Variants in NR2F1 observed in about 807,000 individuals in gnomAD.
The protein encoded by NR2F1 is nuclear receptor subfamily 2 group F member 1, also known as COUP transcription factor 1.
A neutral mutation model predicts 37.7 loss-of-function variants in NR2F1; 1 was observed. That is an observed-to-expected ratio of 0.03 (90% CI 0.01 to 0.13). The LOEUF (loss-of-function observed/expected upper bound fraction) is 0.13, where lower values mean the gene tolerates loss of function less well. Ranked by LOEUF, NR2F1 falls within the 10% of genes least tolerant of loss-of-function variation. The pLI is 1.00. For synonymous variants in NR2F1, 275 were observed against 259.6 expected (o/e 1.06, Z -0.57); for missense variants, 268 against 578.4 (o/e 0.46, Z 5.50).
In NR2F1 at chr5:93,593,196, C is replaced by T. The variant is rs990938358; in HGVS notation, c.992-366C>T. Among the ~76,000 whole-genome samples the T allele has an allele frequency of 4.6e-5, 7 of 152,138 alleles. No homozygotes were observed. The highest frequency in any genetic ancestry group is 1.7e-4 in the African/African-American group (7 of 41,416). On this transcript the variant is annotated intron_variant, in intron 2 of 2. Coordinates refer to ENST00000327111, the MANE Select transcript of NR2F1 (RefSeq NM_005654.6). The surrounding 1 kb of genome is among the most constrained non-coding windows in gnomAD (Gnocchi z 5.6). ...AAGATGCTCCCTTGCAGGCCGAGGA[C>T]AGGTTGTTAAGCGCAGCAAACATGG...
chr5:93,587,991 A>G lies in NR2F1; in HGVS notation c.538A>G (p.Asn180Asp). The change falls in exon 2 of 3, where the codon AAC becomes GAC. Residue 180 changes from asparagine (N) to aspartate (D), a missense_variant. Around this residue, in one of 5 missense-constraint regions of NR2F1, gnomAD observed 42 missense variants for 72.5 expected, o/e 0.58. Coordinates refer to ENST00000327111, the MANE Select transcript of NR2F1 (RefSeq NM_005654.6). ...QYALTNGDPLNGHCYLSGYIS... is the reference protein window; with the variant it reads ...QYALTNGDPLDGHCYLSGYIS... Reference sequence around the variant, plus strand: ...CGCACTCACCAACGGGGACCCCCTCAACGGCCACTGCTACCTGTCCGGCTA... The same window carrying G: ...CGCACTCACCAACGGGGACCCCCTCGACGGCCACTGCTACCTGTCCGGCTA... The G allele has an allele frequency of 1.2e-6, 2 of 1,613,622 alleles. No individual in the cohort carries two copies. The highest frequency in any genetic ancestry group is 1.7e-6 in the Non-Finnish European group (2 of 1,179,772).
In NR2F1 at chr5:93,593,196, C is replaced by G. The variant is rs990938358; in HGVS notation, c.992-366C>G. Among the ~76,000 whole-genome samples the G allele has an allele frequency of 6.6e-6, 1 of 152,138 alleles. No homozygotes were observed. Among genetic ancestry groups the G allele is most frequent in the African/African-American group, 2.4e-5 (1 of 41,416 alleles). ...AAGATGCTCCCTTGCAGGCCGAGGA[C>G]AGGTTGTTAAGCGCAGCAAACATGG... is the stretch of plus-strand genomic sequence containing the variant. On this transcript the variant is annotated intron_variant, in intron 2 of 2. Coordinates refer to ENST00000327111, the MANE Select transcript of NR2F1 (RefSeq NM_005654.6). The surrounding 1 kb of genome is among the most constrained non-coding windows in gnomAD (Gnocchi z 5.6).
chr5:93,587,814 C>G (rs1193595724), intron 1 of NR2F1, 103 bp from the exon 2 acceptor site: 1 of 1,255,402 alleles, frequency 8.0e-7, no homozygotes. Flanking sequence ...GCGCGTGTGG[C>G]TGCGGGAAGA....
intron 2 of NR2F1, among the ~76,000 whole-genome samples, chr5:93,589,504 C>T (rs1350353776): frequency 6.6e-6 from 1 of 152,260 alleles, no homozygotes; most frequent in African/African-American, 2.4e-5. Flanking sequence ...GTCTTGGGCC[C>T]TGCCCACTGT....
At chr5:93,588,487 A>G (rs760998865) in intron 2 of NR2F1, 43 bp downstream of exon 2, 1 of 1,427,792 alleles carries the variant, frequency 7.0e-7, no homozygotes. Context: ...GCCGGCAGCG[A>G]GCGCAGGCCC....
rs1753369822 is a variant in NR2F1, at chr5:93,593,508, G to A, written c.992-54G>A. The A allele has an allele frequency of 2.6e-6, 4 of 1,559,022 alleles. No individual in the cohort carries two copies. The African/African-American group carries it at 4.1e-5, about 16-fold the overall frequency. ...CTTATTTTGCCTTTGCTATTTGTCA[G>A]CCTAACCGTGTGCTCCCTTTCCCTG... On this transcript the variant is annotated intron_variant, in intron 2 of 2. Transcript: ENST00000327111. This position sits in a 1 kb window ranked among gnomAD's most constrained non-coding sequence, Gnocchi z 5.6.
At chr5:93,585,540 T>G (rs1561523885) in intron 1 of NR2F1, 54 bp downstream of exon 1, 2 of 1,381,028 alleles carry the variant, frequency 1.4e-6, no homozygotes, top group South Asian at 2.5e-5. Context: ...TCCCTGGCTC[T>G]TTCTTTCTTT....
At position 93,583,440 on chromosome 5, in the gene NR2F1, C is replaced by T. The variant is rs1049658338; in HGVS notation, c.-1584C>T. ...TACATATTCTACTAGTTGTTTTCCC[C>T]TTCTTCTTCTCCTTTCTCTCCTTTT... On this transcript the variant is annotated 5_prime_UTR_variant, in exon 1 of 3. Transcript: ENST00000327111. 9.9e-5 allele frequency: 15 copies of T among 151,322 alleles called. No homozygotes were observed. Among genetic ancestry groups the T allele is most frequent in the African/African-American group, 3.7e-4 (15 of 41,020 alleles). 9.4% of individuals were successfully genotyped at this position (151,322 alleles called of 1,614,324 possible). A position where few individuals can be genotyped will look rare whatever the true frequency, so the allele number is the denominator to read the frequency against.
Position 93,593,688 on chromosome 5 carries a change from G to A in NR2F1, c.1118G>A (p.Arg373Gln), listed in dbSNP as rs2149946068. 6.2e-7 allele frequency: 1 copy of A among 1,614,184 alleles called. No homozygotes were observed. Among genetic ancestry groups the A allele is most frequent in the Non-Finnish European group, 8.5e-7 (1 of 1,180,042 alleles). ...AGCCGTTTTGGCAAACTGCTGCTGC[G>A]ACTGCCCTCGCTGCGCACCGTGTCC... ...QPSRFGKLLL[R>Q]LPSLRTVSSS... is the part of the protein sequence containing the mutation. Residue 373 changes from arginine to glutamine, a missense_variant, in exon 3 of 3, where the codon CGA becomes CAA. Physicochemically the swap from Arg to Gln is conservative, Grantham distance 43 (BLOSUM62 1). Transcript: ENST00000327111. The surrounding 1 kb of genome is among the most constrained non-coding windows in gnomAD (Gnocchi z 5.6).
Position 93,588,293 on chromosome 5 carries a change from C to G in NR2F1, c.840C>G (p.Ala280=), listed in dbSNP as rs898140239. Residue 280 remains alanine (A), a synonymous_variant, in exon 2 of 3, where the codon GCC becomes GCG. Coordinates refer to ENST00000327111, the MANE Select transcript of NR2F1 (RefSeq NM_005654.6). ...PLHVAPLLAA[A]GLHASPMSAD... is the part of the protein sequence containing the mutation. The stretch of plus-strand genomic sequence containing the variant: ...ACGTGGCGCCGTTGCTGGCCGCCGC[C>G]GGCCTGCATGCCTCGCCCATGTCTG... 2 of 1,613,146 alleles carry G rather than the reference C, an allele frequency of 1.2e-6. No homozygotes were observed. The highest frequency in any genetic ancestry group is 1.7e-6 in the Non-Finnish European group (2 of 1,179,848).
At position 93,593,846 on chromosome 5, in the gene NR2F1, T is replaced by G. The variant is rs752713772; in HGVS notation, c.*4T>G. 6.2e-7 allele frequency: 1 copy of G among 1,612,232 alleles called. No individual in the cohort carries two copies. Among genetic ancestry groups the G allele is most frequent in the Non-Finnish European group, 8.5e-7 (1 of 1,178,504 alleles). On this transcript the variant is annotated 3_prime_UTR_variant, in exon 3 of 3. Transcript: ENST00000327111. The surrounding 1 kb of genome is among the most constrained non-coding windows in gnomAD (Gnocchi z 5.6). ...CATGTCCATCCAGTGCTCCTAGACC[T>G]TGGGCGCTTCCCACCTGCCCCGTCC...
chr5:93,587,623 G>A (rs1325752472), intron 1 of NR2F1: 1 of 385,496 alleles, frequency 2.6e-6, no homozygotes, highest in Non-Finnish European at 4.6e-6. Context: ...CTTAGGGGTT[G>A]GATGACACTT....
At chr5:93,589,881 G>A (rs1271836848) in intron 2 of NR2F1, among the ~76,000 whole-genome samples, 4 of 152,264 alleles carry the variant, frequency 2.6e-5, no homozygotes, top group African/African-American at 9.6e-5. Flanking sequence ...GGTGGCCAGA[G>A]CAATGGACTT....
chr5:93,585,154 C>A lies in NR2F1; in HGVS notation c.131C>A (p.Ala44Glu). 8.6e-7 allele frequency: 1 copy of A among 1,163,112 alleles called. No individual in the cohort carries two copies. Among genetic ancestry groups the A allele is most frequent in the Non-Finnish European group, 1.1e-6 (1 of 944,402 alleles). 72.0% of individuals were successfully genotyped at this position (1,163,112 alleles called of 1,614,324 possible). A position where few individuals can be genotyped will look rare whatever the true frequency, so the allele number is the denominator to read the frequency against. Residue 44 changes from alanine (A) to glutamate (E), a missense_variant, in exon 1 of 3, where the codon GCG (alanine) becomes GAG (glutamate). By Grantham distance (107) the Ala-to-Glu change is moderately radical. This residue lies in a region of NR2F1 where 90 missense variants were observed against 106.5 expected (regional missense o/e 0.85). Transcript: ENST00000327111. ...GGGAGEQQQQAGSGAPHTPQT... is the reference protein window; with the variant it reads ...GGGAGEQQQQEGSGAPHTPQT... ...GGCGCCGGCGAGCAGCAGCAGCAGG[C>A]GGGCTCGGGCGCGCCGCACACGCCG...
chr5:93,585,049 G>A lies in NR2F1; in HGVS notation c.26G>A (p.Arg9Gln), dbSNP rs1355609849. ...ATGGCAATGGTAGTTAGCAGCTGGC[G>A]AGATCCGCAGGACGACGTGGCCGGG... MAMVVSSW[R>Q]DPQDDVAGGN... Residue 9 changes from arginine to glutamine, a missense_variant, in exon 1 of 3, where the codon CGA (arginine) becomes CAA (glutamine). Physicochemically the swap from Arg to Gln is conservative, Grantham distance 43. Transcript: ENST00000327111. 9.7e-7 allele frequency: 1 copy of A among 1,036,060 alleles called. No homozygotes were observed. Among genetic ancestry groups the A allele is most frequent in the Admixed American group, 4.9e-5 (1 of 20,458 alleles). The allele number at this position is 1,036,060 out of a possible 1,614,324, so 64.2% of individuals were successfully genotyped here. A position where few individuals can be genotyped will look rare whatever the true frequency, so the allele number is the denominator to read the frequency against.
chr5:93,585,071 C>CG lies in NR2F1; in HGVS notation c.53dup (p.Asn19GlnfsTer378). On this transcript the variant is annotated frameshift_variant, in exon 1 of 3. Coordinates refer to ENST00000327111, the MANE Select transcript of NR2F1 (RefSeq NM_005654.6). LOFTEE classifies it high-confidence loss of function. Reference sequence around the variant, plus strand: ...GGCGAGATCCGCAGGACGACGTGGCCGGGGGCAACCCCGGCGGCCCCAACC... The same window carrying CG: ...GGCGAGATCCGCAGGACGACGTGGCCGGGGGGCAACCCCGGCGGCCCCAACC... 9.7e-7 allele frequency: 1 copy of CG among 1,030,554 alleles called. No homozygotes were observed. Among genetic ancestry groups the CG allele is most frequent in the South Asian group, 4.0e-5 (1 of 24,914 alleles). 63.8% of individuals were successfully genotyped at this position (1,030,554 alleles called of 1,614,324 possible). A position where few individuals can be genotyped will look rare whatever the true frequency, so the allele number is the denominator to read the frequency against.
chr5:93,588,839 C>T (rs183711176), intron 2 of NR2F1, among the ~76,000 whole-genome samples: 2 of 150,964 alleles, frequency 1.3e-5, no homozygotes, highest in Non-Finnish European at 3.0e-5. Flanking sequence ...GTGTGTGGTG[C>T]GTGTTATGTG....
chr5:93,583,641 A>G lies in NR2F1; in HGVS notation c.-1383A>G, dbSNP rs2149940389. ...GGGTGTTGGTTGCCGGCTGAAGAGCACTTATTTAAAATACTAAAAAAAGAA... is the reference window on the plus strand; with the variant it reads ...GGGTGTTGGTTGCCGGCTGAAGAGCGCTTATTTAAAATACTAAAAAAAGAA... On this transcript the variant is annotated 5_prime_UTR_variant, in exon 1 of 3. Transcript: ENST00000327111. 6.6e-6 allele frequency: 1 copy of G among 151,996 alleles called. No homozygotes were observed. The allele number at this position is 151,996 out of a possible 1,614,324, so 9.4% of individuals were successfully genotyped here.
Position 93,584,898 on chromosome 5 carries a change from C to G in NR2F1, c.-126C>G, listed in dbSNP as rs1753199183. 6.8e-6 allele frequency: 1 copy of G among 147,132 alleles called. No homozygotes were observed. The highest frequency in any genetic ancestry group is 1.5e-5 in the Non-Finnish European group (1 of 67,260). 9.1% of individuals were successfully genotyped at this position (147,132 alleles called of 1,614,324 possible). On this transcript the variant is annotated 5_prime_UTR_variant, in exon 1 of 3. Transcript: ENST00000327111. ...CTCGGCTCCTGCGACCCCGGGGCGC[C>G]CGGCGGGCCCCCCGCCCCCTCCCCC...
Sources: allele counts gnomAD v4.1 joint callset (sites outside exome capture counted in the v4.1 genomes callset), GRCh38; gene constraint gnomAD v4.1.1; regional missense constraint gnomAD v4.1.1; non-coding constraint Gnocchi (gnomAD v3.1); transcripts MANE v1.5; gene names NCBI Gene and HGNC (gene_info 2026-07-23, HGNC 2026-07-21).